EGLN1: variants seen among roughly 807,000 people sequenced by gnomAD.
EGLN1 encodes egl nine homolog 1.
Under a neutral mutation model 38.3 loss-of-function variants are expected in EGLN1, and 17 were observed. The observed-to-expected ratio is 0.44, with a 90% CI of 0.30 to 0.67. The LOEUF (loss-of-function observed/expected upper bound fraction) is 0.67, where lower values mean the gene tolerates loss of function less well. Ranked by LOEUF, EGLN1 falls within the 30% of genes least tolerant of loss-of-function variation. The pLI, the probability that EGLN1 is intolerant of heterozygous loss-of-function variation, is 0.08. For synonymous variants in EGLN1, 283 were observed against 257.5 expected, an observed-to-expected ratio of 1.10 and a Z score of -0.95; for missense variants, 477 against 603.3, an observed-to-expected ratio of 0.79 and a Z score of 2.19.
chr1:231,377,917 T>C (rs1396402277), intron 1 of EGLN1, among the ~76,000 whole-genome samples: 17 of 152,216 alleles, frequency 1.1e-4, no homozygotes, highest in Non-Finnish European at 2.4e-4. Context: ...TAAAGAAAAG[T>C]TTTAAATCTC....
chr1:231,420,740 G>C (rs1337657224), intron 1 of EGLN1, among the ~76,000 whole-genome samples: 1 of 152,158 alleles, frequency 6.6e-6, no homozygotes, highest in African/African-American at 2.4e-5. Flanking sequence ...AAGCGCCTAC[G>C]TTGAGTCAAA....
rs60871560 is a variant in EGLN1 at position 231,373,677 on chromosome 1, C to CGT, written c.1011+301_1011+302dup. Among the ~76,000 whole-genome samples, 786 of 91,304 alleles carry CGT rather than the reference C, an allele frequency of 8.6e-3. 12 individuals carry two copies. The highest frequency in any genetic ancestry group is 0.027 in the African/African-American group (756 of 28,356). 59.9% of individuals were successfully genotyped at this position (91,304 alleles called of 152,430 possible). On this transcript the variant is annotated intron_variant, in intron 2 of 4. Transcript: ENST00000366641. ...TTCCCTTCCCCTAACCTCGTGTGTG[C>CGT]GTGTGTGTGTGTGTGTGTGTGTGTG...
chr1:231,369,713 C>T (rs943083442), intron 3 of EGLN1: 6 of 485,736 alleles, frequency 1.2e-5, no homozygotes, highest in South Asian at 8.7e-5. Context: ...CTCCACCCAG[C>T]GCATCTAAGC....
intron 1 of EGLN1, among the ~76,000 whole-genome samples, chr1:231,386,567 T>C (rs1160821982): frequency 2.6e-5 from 4 of 152,156 alleles, no homozygotes; most frequent in Non-Finnish European, 4.4e-5. Context: ...ATTATTTATA[T>C]ATTGCCACAC....
intron 3 of EGLN1, 112 bp downstream of exon 3, chr1:231,370,450 G>A: frequency 8.7e-7 from 1 of 1,153,750 alleles, no homozygotes; most frequent in South Asian, 1.3e-5. Context: ...TAAAATGACT[G>A]TGAAAAGTAC....
chr1:231,421,888 T>TGGCGGCGGCGGCGGCGGCGGCGGC lies in EGLN1; in HGVS notation c.-1_1insGCCGCCGCCGCCGCCGCCGCCGCC. 7.0e-7 allele frequency: 1 copy of TGGCGGCGGCGGCGGCGGCGGCGGC among 1,430,890 alleles called. No homozygotes were observed. The highest frequency in any genetic ancestry group is 1.4e-5 in the South Asian group (1 of 70,470). The allele number at this position is 1,430,890 out of a possible 1,614,324, so 88.6% of individuals were successfully genotyped here. ...CCGGGCCCGCCGCTGTCATTGGCCA[T>TGGCGGCGGCGGCGGCGGCGGCGGC]GGCGGCGGCGGCGGCGGCGACGGCG... On this transcript the variant is annotated 5_prime_UTR_variant, in exon 1 of 5. Coordinates refer to ENST00000366641, the MANE Select transcript of EGLN1 (RefSeq NM_022051.3). The surrounding 1 kb of genome is among the most constrained non-coding windows in gnomAD (Gnocchi z 5.5).
At chr1:231,406,845 A>C (rs1488849440) in intron 1 of EGLN1, among the ~76,000 whole-genome samples, 1 of 152,136 alleles carries the variant, frequency 6.6e-6, no homozygotes, top group Admixed American at 6.5e-5. Context: ...GCTAGCTTAT[A>C]TGACCGCCTT....
intron 1 of EGLN1, among the ~76,000 whole-genome samples, chr1:231,411,054 CAATATT>C (rs1463377207): frequency 6.6e-6 from 1 of 151,996 alleles, no homozygotes; most frequent in Non-Finnish European, 1.5e-5. Context: ...TTGGAAATAT[CAATATT>C]AATAAGAAAA....
intron 1 of EGLN1, among the ~76,000 whole-genome samples, chr1:231,374,355 TTGA>T (rs1687903431): frequency 6.6e-6 from 1 of 152,216 alleles, no homozygotes; most frequent in Non-Finnish European, 1.5e-5. Flanking sequence ...TGGTCCTACT[TTGA>T]CAATCTTTAT....
At chr1:231,418,862 CAAA>C (rs746584010) in intron 1 of EGLN1, among the ~76,000 whole-genome samples, 11 of 94,370 alleles carry the variant, frequency 1.2e-4, no homozygotes, top group Admixed American at 3.4e-4. Flanking sequence ...ACCCTGTCTC[CAAA>C]AAAAAAAAAA....
In EGLN1 at chr1:231,421,977, A is replaced by T; in HGVS notation, c.-89T>A. 7.7e-7 allele frequency: 1 copy of T among 1,290,372 alleles called. No homozygotes were observed. Among genetic ancestry groups the T allele is most frequent in the Admixed American group, 4.3e-5 (1 of 23,400 alleles). The allele number at this position is 1,290,372 out of a possible 1,614,324, so 79.9% of individuals were successfully genotyped here. On this transcript the variant is annotated 5_prime_UTR_variant, in exon 1 of 5. Transcript: ENST00000366641. This position sits in a 1 kb window ranked among gnomAD's most constrained non-coding sequence, Gnocchi z 5.5. ...CCTCGCCCGAGGCTGGGGAGCGGGG[A>T]GAGAGATAGGGGCCGTTACTGCGCC...
intron 1 of EGLN1, among the ~76,000 whole-genome samples, chr1:231,411,866 G>A (rs914910190): frequency 1.3e-5 from 2 of 151,774 alleles, no homozygotes; most frequent in Middle Eastern, 6.8e-3. Context: ...AGGTGTGGTG[G>A]TGGGCACCTG....
At chr1:231,392,035 C>T (rs970852353) in intron 1 of EGLN1, among the ~76,000 whole-genome samples, 1 of 152,166 alleles carries the variant, frequency 6.6e-6, no homozygotes, top group African/African-American at 2.4e-5. Flanking sequence ...CGCCTGTAAT[C>T]CCAGCGCTTT....
intron 1 of EGLN1, among the ~76,000 whole-genome samples, chr1:231,407,291 A>G (rs1293462043): frequency 6.6e-6 from 1 of 152,164 alleles, no homozygotes; most frequent in Non-Finnish European, 1.5e-5. Context: ...TAAGGCCAAA[A>G]GGTTTTCTCA....
intron 3 of EGLN1, among the ~76,000 whole-genome samples, chr1:231,368,653 G>A (rs1687728015): frequency 2.0e-5 from 3 of 152,206 alleles, no homozygotes; most frequent in African/African-American, 7.2e-5. Flanking sequence ...ATAGCAATTA[G>A]TTCAAATATA....
intron 1 of EGLN1, chr1:231,420,418 A>AT (rs1656540051): frequency 1.8e-5 from 3 of 167,948 alleles, no homozygotes; most frequent in Admixed American, 1.7e-4. Context: ...GATAAGAGCT[A>AT]TAACAGGGGG....
intron 1 of EGLN1, among the ~76,000 whole-genome samples, chr1:231,415,782 G>A (rs1458605651): frequency 6.6e-6 from 1 of 151,952 alleles, no homozygotes; most frequent in Non-Finnish European, 1.5e-5. Context: ...ACTGGACTAA[G>A]GATACAGAAA....
chr1:231,406,514 T>TCTTC (rs1161132012), intron 1 of EGLN1, among the ~76,000 whole-genome samples: 3 of 152,110 alleles, frequency 2.0e-5, no homozygotes, highest in Admixed American at 6.5e-5. Context: ...AAGGCATATA[T>TCTTC]CTTCCAGAAG....
chr1:231,421,620 G>A lies in EGLN1; in HGVS notation c.269C>T (p.Ala90Val). 2 of 1,373,876 alleles carry A rather than the reference G, an allele frequency of 1.5e-6. No homozygotes were observed. The highest frequency in any genetic ancestry group is 9.3e-7 in the Non-Finnish European group (1 of 1,071,942). 85.1% of individuals were successfully genotyped at this position (1,373,876 alleles called of 1,614,324 possible). A position where few individuals can be genotyped will look rare whatever the true frequency, so the allele number is the denominator to read the frequency against. Residue 90 changes from alanine (A) to valine (V), a missense_variant, in exon 1 of 5, where the codon GCC (alanine) becomes GTC (valine). Transcript: ENST00000366641. This position sits in a 1 kb window ranked among gnomAD's most constrained non-coding sequence, Gnocchi z 5.5. ...CGCCGCTGCCTTCCTGGGCTCCCGGGCCCCGGCCCTGGGCGGCGGCACTGC... is the reference window on the plus strand; with the variant it reads ...CGCCGCTGCCTTCCTGGGCTCCCGGACCCCGGCCCTGGGCGGCGGCACTGC... ...PAAVPPPRAG[A>V]REPRKAAARR...
Sources: gnomAD v4.1 joint callset for allele counts (sites outside exome capture counted in the v4.1 genomes callset) on GRCh38, gnomAD v4.1.1 for gene constraint, Gnocchi (gnomAD v3.1) non-coding constraint, MANE v1.5 for transcripts, NCBI Gene and HGNC (gene_info 2026-07-23, HGNC 2026-07-21) for gene names.